The following METTL2B variants were observed in gnomAD, a reference collection of about 807,000 sequenced individuals.
The protein encoded by METTL2B is methyltransferase 2B, tRNA N3-cytidine, also known as tRNA N(3)-cytidine methyltransferase METTL2B.
In METTL2B, 28 loss-of-function variants were observed where a neutral mutation model predicts 51.0. The ratio of observed to expected loss-of-function variants is 0.55; its 90% CI spans 0.41 to 0.75. The LOEUF is 0.75. METTL2B is among the 30% of genes least tolerant of loss of function. METTL2B has a pLI of 0.00. For synonymous variants in METTL2B, 128 were observed against 166.3 expected (o/e 0.77, Z 1.77); for missense variants, 313 against 460.7 (o/e 0.68, Z 2.93).
chr7:128,492,907 C>A (rs973136422), intron 5 of METTL2B, among the ~76,000 whole-genome samples: 1 of 151,814 alleles, frequency 6.6e-6, no homozygotes, highest in Non-Finnish European at 1.5e-5. Flanking sequence ...TGAGCCACTG[C>A]GTGCTTATTT....
At chr7:128,495,105 T>G (rs1792901265) in intron 6 of METTL2B, among the ~76,000 whole-genome samples, 1 of 151,220 alleles carries the variant, frequency 6.6e-6, no homozygotes, top group Admixed American at 6.6e-5. Flanking sequence ...TTTTTTTTAG[T>G]GGAGATGGTG....
chr7:128,500,349 G>A (rs183144436), intron 7 of METTL2B, among the ~76,000 whole-genome samples: 156 of 152,210 alleles, frequency 1.0e-3, no homozygotes, highest in African/African-American at 3.7e-3. Flanking sequence ...GGCCAGGCAC[G>A]GTGGCTCATG....
chr7:128,502,100 G>C lies in METTL2B; in HGVS notation c.*184G>C, dbSNP rs1216270783. On this transcript the variant is annotated 3_prime_UTR_variant, in exon 9 of 9. Coordinates refer to ENST00000262432, the MANE Select transcript of METTL2B (RefSeq NM_018396.3). The stretch of plus-strand genomic sequence containing the variant: ...ATAGCGAGAGACCCTGAATCTGAAA[G>C]TAATGATAAAATAAAAAGAATATAA... 1.4e-6 allele frequency: 1 copy of C among 702,554 alleles called. No homozygotes were observed. Among genetic ancestry groups the C allele is most frequent in the African/African-American group, 1.8e-5 (1 of 55,288 alleles). The allele number at this position is 702,554 out of a possible 1,614,324, so 43.5% of individuals were successfully genotyped here.
intron 5 of METTL2B, among the ~76,000 whole-genome samples, chr7:128,489,087 C>T (rs1792775197): frequency 6.6e-6 from 1 of 151,674 alleles, no homozygotes; most frequent in Admixed American, 6.6e-5. Flanking sequence ...TGCACTCCAG[C>T]TAGACGACAG....
At position 128,500,799 on chromosome 7, in the gene METTL2B, G is replaced by GTGCT; in HGVS notation, c.917-103_917-100dup. ...CTCTTCCCGAAGCACTGAGGCAGGA[G>GTGCT]TGCTCTCCACCCAACAAACTGGCCT... On this transcript the variant is annotated intron_variant, in intron 7 of 8. Coordinates refer to ENST00000262432, the MANE Select transcript of METTL2B (RefSeq NM_018396.3). 2.1e-5 allele frequency: 28 copies of GTGCT among 1,323,904 alleles called. No individual in the cohort carries two copies. The South Asian group carries it at 3.6e-4, about 17-fold the overall frequency. The allele number at this position is 1,323,904 out of a possible 1,614,324, so 82.0% of individuals were successfully genotyped here.
chr7:128,496,217 C>A (rs1199828343), intron 6 of METTL2B, among the ~76,000 whole-genome samples: 1 of 152,084 alleles, frequency 6.6e-6, no homozygotes, highest in Non-Finnish European at 1.5e-5. Flanking sequence ...TGCAGGATAA[C>A]CCAAAAGGCC....
intron 2 of METTL2B, 131 bp downstream of exon 2, chr7:128,477,304 C>G: frequency 8.0e-7 from 1 of 1,253,318 alleles, no homozygotes; most frequent in Non-Finnish European, 1.1e-6. Flanking sequence ...AGGAGTAGAG[C>G]AGGACAGGGA....
At chr7:128,495,670 C>T (rs1313630888) in intron 6 of METTL2B, among the ~76,000 whole-genome samples, 1 of 152,144 alleles carries the variant, frequency 6.6e-6, no homozygotes, top group Non-Finnish European at 1.5e-5. Context: ...CCAGGCTGAT[C>T]TTGAGCTCCT....
chr7:128,491,849 T>C (rs1343797944), intron 5 of METTL2B, among the ~76,000 whole-genome samples: 3 of 152,034 alleles, frequency 2.0e-5, no homozygotes, highest in African/African-American at 7.2e-5. Context: ...CTTTTAGAAT[T>C]ATTCATGCAG....
chr7:128,499,517 C>CTT lies in METTL2B; in HGVS notation c.917-1368_917-1367dup, dbSNP rs1297101344. The stretch of plus-strand genomic sequence containing the variant: ...AGCCACTGTGCCCAGTATTAACAGC[C>CTT]TTTTTTTTTTTTTTTTTTTGAGACG... On this transcript the variant is annotated intron_variant, in intron 7 of 8. Coordinates refer to ENST00000262432, the MANE Select transcript of METTL2B (RefSeq NM_018396.3). Among the ~76,000 whole-genome samples the CTT allele has an allele frequency of 5.8e-3, 694 of 119,890 alleles. 10 individuals carry two copies. Among genetic ancestry groups the CTT allele is most frequent in the Non-Finnish European group, 8.3e-3 (477 of 57,716 alleles). 78.7% of individuals were successfully genotyped at this position (119,890 alleles called of 152,430 possible). A position where few individuals can be genotyped will look rare whatever the true frequency, so the allele number is the denominator to read the frequency against.
intron 5 of METTL2B, among the ~76,000 whole-genome samples, chr7:128,490,312 T>C (rs1460471902): frequency 1.4e-5 from 2 of 146,102 alleles, no homozygotes; most frequent in African/African-American, 5.0e-5. Flanking sequence ...TTCAGTTACA[T>C]CTTCAGGCTT....
At chr7:128,477,318 G>A (rs1221430879) in intron 2 of METTL2B, 145 bp downstream of exon 2, 4 of 1,092,814 alleles carry the variant, frequency 3.7e-6, no homozygotes, top group African/African-American at 3.1e-5. Context: ...ACAGGGAGGG[G>A]ATGAGCAAGG....
chr7:128,488,379 C>G, intron 5 of METTL2B: 1 of 761,158 alleles, frequency 1.3e-6, no homozygotes, highest in African/African-American at 1.7e-5. Context: ...AAGTCTGTGG[C>G]AACCCTGCAT....
chr7:128,495,284 C>G (rs1445490839), intron 6 of METTL2B, among the ~76,000 whole-genome samples: 1 of 152,106 alleles, frequency 6.6e-6, no homozygotes, highest in Non-Finnish European at 1.5e-5. Flanking sequence ...TACATTGAAC[C>G]TTAACTAAGG....
intron 4 of METTL2B, among the ~76,000 whole-genome samples, chr7:128,486,690 C>T (rs1480823090): frequency 1.3e-5 from 2 of 151,996 alleles, no homozygotes; most frequent in Admixed American, 6.6e-5. Context: ...CTGGGGAGGC[C>T]GAGGCAGGTG....
intron 4 of METTL2B, among the ~76,000 whole-genome samples, chr7:128,482,708 A>G (rs1163454610): frequency 2.6e-5 from 4 of 151,926 alleles, no homozygotes; most frequent in African/African-American, 9.7e-5. Context: ...TAATTTTTGT[A>G]TTTTTAGTAG....
At chr7:128,477,832 A>G (rs1799822271) in intron 2 of METTL2B, 1 of 336,854 alleles carries the variant, frequency 3.0e-6, no homozygotes, top group Non-Finnish European at 6.3e-6. Context: ...CTGTACAACA[A>G]AAAGGTTCCA....
intron 4 of METTL2B, among the ~76,000 whole-genome samples, chr7:128,487,849 AAG>A (rs1792744924): frequency 1.3e-5 from 2 of 151,994 alleles, no homozygotes; most frequent in Admixed American, 1.3e-4. Context: ...TAGGTGGAAA[AAG>A]AGAAGACATT....
chr7:128,489,433 C>G (rs1201219865), intron 5 of METTL2B, among the ~76,000 whole-genome samples: 1 of 55,352 alleles, frequency 1.8e-5, no homozygotes, highest in Non-Finnish European at 3.5e-5. Flanking sequence ...GAGACTCCAT[C>G]TCAAAAAAAA....
Sources: allele counts gnomAD v4.1 joint callset (sites outside exome capture counted in the v4.1 genomes callset), GRCh38; gene constraint gnomAD v4.1.1; transcripts MANE v1.5; gene names NCBI Gene and HGNC (gene_info 2026-07-23, HGNC 2026-07-21).